SLITRK4: variants seen among roughly 807,000 people sequenced by gnomAD.
The protein encoded by SLITRK4 is SLIT and NTRK like family member 4, also known as SLIT and NTRK-like protein 4.
In SLITRK4, 7 loss-of-function variants were observed where a neutral mutation model predicts 34.7. The ratio of observed to expected loss-of-function variants is 0.20; its 90% CI spans 0.11 to 0.38. The LOEUF is 0.38. Among genes scored for constraint, SLITRK4 ranks in the 10% least tolerant of loss-of-function variants. SLITRK4 has a pLI of 1.00. For missense variants in SLITRK4, 474 were observed against 607.0 expected (o/e 0.78, Z 2.30); for synonymous variants, 237 against 246.2 (o/e 0.96, Z 0.35).
chrX:143,629,944 T>C lies in SLITRK4; in HGVS notation c.1165A>G (p.Ile389Val), dbSNP rs781951239. The C allele has an allele frequency of 5.0e-6, 6 of 1,210,414 alleles. No homozygotes were observed. In the East Asian group the frequency reaches 1.8e-4, roughly 36 times the overall value. ...AAGTCTGATACGTCCACATCCTTGA[T>C]GCTATTGCCATTGACGTGCAGCTTC... ...AKKLHVNGNS[I>V]KDVDVSDFTD... Residue 389 changes from isoleucine (I) to valine (V), a missense_variant, in exon 2 of 2, where the codon ATC becomes GTC. Coordinates refer to ENST00000356928, the MANE Select transcript of SLITRK4 (RefSeq NM_001184749.3).
rs1319486639 is a variant in SLITRK4, at chrX:143,624,496, G to A, written c.*4099C>T. On this transcript the variant is annotated 3_prime_UTR_variant, in exon 2 of 2. Transcript: ENST00000356928. ...GCACTGTCAGACTCTTCTCCAAAGG[G>A]GCTGCCAGTGGGAAGGAACACAGAT... 9.0e-6 allele frequency: 1 copy of A among 111,072 alleles called. No individual in the cohort carries two copies. Among genetic ancestry groups the A allele is most frequent in the Non-Finnish European group, 1.9e-5 (1 of 52,734 alleles). 9.2% of individuals were successfully genotyped at this position (111,072 alleles called of 1,213,427 possible).
At position 143,628,659 on chromosome X, in the gene SLITRK4, T is replaced by G; in HGVS notation, c.2450A>C (p.Lys817Thr). 3 of 1,210,423 alleles carry G rather than the reference T, an allele frequency of 2.5e-6. No individual in the cohort carries two copies. Among genetic ancestry groups the G allele is most frequent in the Non-Finnish European group, 2.2e-6 (2 of 895,060 alleles). The change falls in exon 2 of 2, where the codon AAA (lysine) becomes ACA (threonine). Residue 817 changes from lysine to threonine, a missense_variant. Lys to Thr is a moderately conservative substitution (Grantham distance 78). Around this residue, in one of 3 missense-constraint regions of SLITRK4, gnomAD observed 345 missense variants for 406.5 expected, o/e 0.85. Coordinates refer to ENST00000356928, the MANE Select transcript of SLITRK4 (RefSeq NM_001184749.3). ...TAGGTAGTCAGGGGAACTCTGCAGT[T>G]TCGCCTTCAGTTCAAAATACTCACT... ...RKSEYFELKA[K>T]LQSSPDYLQV...
In SLITRK4 at chrX:143,629,124, C is replaced by T; in HGVS notation, c.1985G>A (p.Gly662Asp). The change falls in exon 2 of 2, where the codon GGC (glycine) becomes GAC (aspartate). Residue 662 changes from glycine to aspartate, a missense_variant. Coordinates refer to ENST00000356928, the MANE Select transcript of SLITRK4 (RefSeq NM_001184749.3). The part of the protein sequence containing the change: ...KHEGLGNPDC[G>D]SMQLQLRKHD... ...CTTCCTTAGCTGCAGCTGCATGGAG[C>T]CACAGTCAGGATTCCCCAGGCCTTC... The T allele has an allele frequency of 8.3e-7, 1 of 1,211,843 alleles. No homozygotes were observed. Among genetic ancestry groups the T allele is most frequent in the Non-Finnish European group, 1.1e-6 (1 of 895,589 alleles).
Position 143,630,903 on chromosome X carries a change from T to C in SLITRK4, c.206A>G (p.Asn69Ser), listed in dbSNP as rs782024395. The change falls in exon 2 of 2, where the codon AAT (asparagine) becomes AGT (serine). Residue 69 changes from asparagine to serine, a missense_variant. By Grantham distance (46) the Asn-to-Ser change is conservative. Transcript: ENST00000356928. ...SNFYHLNFQN[N>S]FLNILYPNTF... is the part of the protein sequence containing the mutation. Reference sequence around the variant, plus strand: ...ATTTGGATACAGAATATTTAAAAAATTATTTTGGAAATTGAGGTGATAAAA... The same window carrying C: ...ATTTGGATACAGAATATTTAAAAAACTATTTTGGAAATTGAGGTGATAAAA... The C allele has an allele frequency of 8.3e-7, 1 of 1,204,146 alleles. No individual in the cohort carries two copies. Among genetic ancestry groups the C allele is most frequent in the South Asian group, 1.8e-5 (1 of 55,048 alleles).
Position 143,630,934 on chromosome X carries a change from A to T in SLITRK4, c.175T>A (p.Ser59Thr), listed in dbSNP as rs1200908012. The T allele has an allele frequency of 8.3e-7, 1 of 1,206,468 alleles. No individual in the cohort carries two copies. Among genetic ancestry groups the T allele is most frequent in the African/African-American group, 1.8e-5 (1 of 56,993 alleles). ...YRPNQLKPPW[S>T]NFYHLNFQNN... ...TGGAAATTGAGGTGATAAAAATTAG[A>T]CCAAGGTGGTTTCAGCTGATTTGGT... The change falls in exon 2 of 2, where the codon TCT becomes ACT. Residue 59 changes from serine to threonine, a missense_variant. Coordinates refer to ENST00000356928, the MANE Select transcript of SLITRK4 (RefSeq NM_001184749.3).
In SLITRK4 at chrX:143,630,890, A is replaced by C. The variant is rs782393391; in HGVS notation, c.219T>G (p.Ile73Met). ...AATTCAAGAATGTATTTGGATACAG[A>C]ATATTTAAAAAATTATTTTGGAAAT... ...HLNFQNNFLN[I>M]LYPNTFLNFS... The change falls in exon 2 of 2, where the codon ATT becomes ATG. Residue 73 changes from isoleucine to methionine, a missense_variant. By Grantham distance (10) the Ile-to-Met change is conservative. Coordinates refer to ENST00000356928, the MANE Select transcript of SLITRK4 (RefSeq NM_001184749.3). 2.5e-6 allele frequency: 3 copies of C among 1,203,659 alleles called. No homozygotes were observed. Among genetic ancestry groups the C allele is most frequent in the Admixed American group, 2.3e-5 (1 of 44,223 alleles).
At chrX:143,633,886 C>G (rs1252021562) in intron 1 of SLITRK4, among the ~76,000 whole-genome samples, 7 of 112,855 alleles carry the variant, frequency 6.2e-5, no homozygotes, top group Admixed American at 5.5e-4. Context: ...CGCTCAGCCC[C>G]CTCCGCGTCA....
In SLITRK4 at chrX:143,628,378, A is replaced by T. The variant is rs1158194904; in HGVS notation, c.*217T>A. 7 of 364,920 alleles carry T rather than the reference A, an allele frequency of 1.9e-5. No homozygotes were observed. Among genetic ancestry groups the T allele is most frequent in the Non-Finnish European group, 3.2e-5 (7 of 216,143 alleles). The allele number at this position is 364,920 out of a possible 1,213,427, so 30.1% of individuals were successfully genotyped here. A position where few individuals can be genotyped will look rare whatever the true frequency, so the allele number is the denominator to read the frequency against. The stretch of plus-strand genomic sequence containing the variant: ...TCCCTTTGGCAATAGAGTTTGCAGT[A>T]TCCCCACAGGACTCCACAGTATAGG... On this transcript the variant is annotated 3_prime_UTR_variant, in exon 2 of 2. Transcript: ENST00000356928.
In SLITRK4 at chrX:143,630,931, T is replaced by G. The variant is rs1931011179; in HGVS notation, c.178A>C (p.Asn60His). The stretch of plus-strand genomic sequence containing the variant: ...TTTTGGAAATTGAGGTGATAAAAAT[T>G]AGACCAAGGTGGTTTCAGCTGATTT... ...RPNQLKPPWS[N>H]FYHLNFQNNF... is the part of the protein sequence containing the mutation. The change falls in exon 2 of 2, where the codon AAT becomes CAT. Residue 60 changes from asparagine (N) to histidine (H), a missense_variant. By Grantham distance (68) the Asn-to-His change is moderately conservative (BLOSUM62 1). Transcript: ENST00000356928. The G allele has an allele frequency of 2.5e-6, 3 of 1,207,109 alleles. No individual in the cohort carries two copies. The highest frequency in any genetic ancestry group is 3.4e-6 in the Non-Finnish European group (3 of 894,144).
rs1344410097 is a variant in SLITRK4 at position 143,625,320 on chromosome X, A to T, written c.*3275T>A. ...TTATAGACTTGAATCACTCTACTTT[A>T]ATAGCTGCTTTCTCATAAAATTACA... On this transcript the variant is annotated 3_prime_UTR_variant, in exon 2 of 2. Coordinates refer to ENST00000356928, the MANE Select transcript of SLITRK4 (RefSeq NM_001184749.3). 8.9e-6 allele frequency: 1 copy of T among 111,893 alleles called. No individual in the cohort carries two copies. The highest frequency in any genetic ancestry group is 1.9e-5 in the Non-Finnish European group (1 of 52,897). The allele number at this position is 111,893 out of a possible 1,213,427, so 9.2% of individuals were successfully genotyped here.
rs1930893550 is a variant in SLITRK4, at chrX:143,628,622, C to T, written c.2487G>A (p.Glu829=). ...QSSPDYLQVL[E]EQTALNKI ...AGATCTTGTTCAAAGCTGTTTGCTC[C>T]TCAAGGACCTGTAGGTAGTCAGGGG... The change falls in exon 2 of 2, where the codon GAG becomes GAA. Residue 829 remains glutamate, a synonymous_variant. Transcript: ENST00000356928. 8.4e-7 allele frequency: 1 copy of T among 1,197,555 alleles called. No individual in the cohort carries two copies. Among genetic ancestry groups the T allele is most frequent in the South Asian group, 1.9e-5 (1 of 53,914 alleles).
Position 143,629,204 on chromosome X carries a change from A to C in SLITRK4, c.1905T>G (p.Ala635=). The change falls in exon 2 of 2, where the codon GCT becomes GCG. Residue 635 remains alanine, a synonymous_variant. Transcript: ENST00000356928. ...LVVLILTVFV[A]FCLLVFVLRR... is the part of the protein sequence containing the mutation. ...GCAGGACAAAAACAAGAAGGCAAAAAGCAACAAACACCGTTAAAATGAGGA... is the reference window on the plus strand; with the variant it reads ...GCAGGACAAAAACAAGAAGGCAAAACGCAACAAACACCGTTAAAATGAGGA... 2 of 1,211,844 alleles carry C rather than the reference A, an allele frequency of 1.7e-6. No individual in the cohort carries two copies. The highest frequency in any genetic ancestry group is 2.2e-6 in the Non-Finnish European group (2 of 895,585).
rs1930726762 is a variant in SLITRK4, at chrX:143,624,592, G to A, written c.*4003C>T. ...GCAGTTAAGTTGAATATAAACAGTA[G>A]GCTAAAGCTATATCTTACCCTCAAA... On this transcript the variant is annotated 3_prime_UTR_variant, in exon 2 of 2. Coordinates refer to ENST00000356928, the MANE Select transcript of SLITRK4 (RefSeq NM_001184749.3). The A allele has an allele frequency of 9.0e-6, 1 of 110,890 alleles. No homozygotes were observed. The highest frequency in any genetic ancestry group is 9.6e-5 in the Admixed American group (1 of 10,388). The allele number at this position is 110,890 out of a possible 1,213,427, so 9.1% of individuals were successfully genotyped here.
Position 143,623,466 on chromosome X carries a change from A to C in SLITRK4, c.*5129T>G, listed in dbSNP as rs781984132. Reference sequence around the variant, plus strand: ...AAATAATTTTTAAAAATTAAAAAAAACCATCATTTCCTATAAGATAAACAA... The same window carrying C: ...AAATAATTTTTAAAAATTAAAAAAACCCATCATTTCCTATAAGATAAACAA... On this transcript the variant is annotated 3_prime_UTR_variant, in exon 2 of 2. Transcript: ENST00000356928. The C allele has an allele frequency of 8.1e-5, 9 of 110,588 alleles. No homozygotes were observed. The highest frequency in any genetic ancestry group is 3.8e-4 in the South Asian group (1 of 2,651). 9.1% of individuals were successfully genotyped at this position (110,588 alleles called of 1,213,427 possible).
rs782139182 is a variant in SLITRK4, at chrX:143,630,620, A to G, written c.489T>C (p.Asn163=). ...KLHKLKVLIL[N]DNLISFLPDN... is the part of the protein sequence containing the mutation. ...CAGGAAGGAATGAAATCAGATTGTC[A>G]TTAAGAATGAGAACTTTCAGTTTGT... The change falls in exon 2 of 2, where the codon AAT becomes AAC. Residue 163 remains asparagine (N), a synonymous_variant. Transcript: ENST00000356928. 1 of 1,211,644 alleles carries G rather than the reference A, an allele frequency of 8.3e-7. No homozygotes were observed. Among genetic ancestry groups the G allele is most frequent in the Non-Finnish European group, 1.1e-6 (1 of 895,294 alleles).
intron 1 of SLITRK4, among the ~76,000 whole-genome samples, chrX:143,631,736 T>C (rs782207517): frequency 3.6e-5 from 4 of 111,378 alleles, no homozygotes; most frequent in Non-Finnish European, 7.5e-5. Flanking sequence ...AGAGATTTGC[T>C]TGTGCTGTAG....
rs1930788960 is a variant in SLITRK4 at position 143,626,482 on chromosome X, A to G, written c.*2113T>C. The G allele has an allele frequency of 9.2e-6, 1 of 109,072 alleles. No individual in the cohort carries two copies. Among genetic ancestry groups the G allele is most frequent in the African/African-American group, 3.3e-5 (1 of 30,027 alleles). The allele number at this position is 109,072 out of a possible 1,213,427, so 9.0% of individuals were successfully genotyped here. A position where few individuals can be genotyped will look rare whatever the true frequency, so the allele number is the denominator to read the frequency against. ...GCTATTTAAAAAAGATTTCCAAATT[A>G]TCTATATGTATGAATATATACCCAC... On this transcript the variant is annotated 3_prime_UTR_variant, in exon 2 of 2. Coordinates refer to ENST00000356928, the MANE Select transcript of SLITRK4 (RefSeq NM_001184749.3).
Position 143,629,064 on chromosome X carries a change from C to T in SLITRK4, c.2045G>A (p.Ser682Asn), listed in dbSNP as rs781954674. ...DHKTNKKDGL[S>N]TEAFIPQTIE... ...AGTTTGTGGAATGAAAGCTTCTGTG[C>T]TCAGTCCATCTTTTTTATTGGTTTT... The change falls in exon 2 of 2, where the codon AGC (serine) becomes AAC (asparagine). Residue 682 changes from serine to asparagine, a missense_variant. Ser to Asn is a conservative substitution (Grantham distance 46). This residue lies in a region of SLITRK4 where 345 missense variants were observed against 406.5 expected (regional missense o/e 0.85). Coordinates refer to ENST00000356928, the MANE Select transcript of SLITRK4 (RefSeq NM_001184749.3). 6.6e-6 allele frequency: 8 copies of T among 1,210,320 alleles called. No homozygotes were observed. Among genetic ancestry groups the T allele is most frequent in the East Asian group, 5.9e-5 (2 of 33,771 alleles).
chrX:143,629,816 A>G lies in SLITRK4; in HGVS notation c.1293T>C (p.Tyr431=), dbSNP rs782007243. ...GTCTCTCAATTTGATTGCCATTGAGATATAGCCTGCGTAAATTAGTGAGAT... is the reference window on the plus strand; with the variant it reads ...GTCTCTCAATTTGATTGCCATTGAGGTATAGCCTGCGTAAATTAGTGAGAT... ...FHNLTNLRRL[Y]LNGNQIERLY... The change falls in exon 2 of 2, where the codon TAT becomes TAC. Residue 431 remains tyrosine (Y), a synonymous_variant. Transcript: ENST00000356928. 8.3e-7 allele frequency: 1 copy of G among 1,210,110 alleles called. No individual in the cohort carries two copies. Among genetic ancestry groups the G allele is most frequent in the Admixed American group, 2.2e-5 (1 of 45,987 alleles).
Sources: gnomAD v4.1 joint callset for allele counts (sites outside exome capture counted in the v4.1 genomes callset) on GRCh38, gnomAD v4.1.1 for gene constraint, gnomAD v4.1.1 regional missense constraint, MANE v1.5 for transcripts, NCBI Gene and HGNC (gene_info 2026-07-23, HGNC 2026-07-21) for gene names.